The following TBK1 variants were observed in gnomAD, a reference collection of about 807,000 sequenced individuals.
TBK1 encodes the protein serine/threonine-protein kinase TBK1.
Under a neutral mutation model 99.9 loss-of-function variants are expected in TBK1, and 37 were observed. The ratio of observed to expected loss-of-function variants is 0.37; its 90% CI spans 0.28 to 0.49. The LOEUF is 0.49. Among genes scored for constraint, TBK1 ranks in the 20% least tolerant of loss-of-function variants. TBK1 has a pLI of 0.98. For missense variants in TBK1, 644 were observed against 872.5 expected (o/e 0.74, Z 3.30); for synonymous variants, 258 against 279.8 (o/e 0.92, Z 0.78).
In TBK1 at chr12:64,481,977, A is replaced by G. The variant is rs760981700; in HGVS notation, c.948A>G (p.Leu316=). 4.4e-6 allele frequency: 7 copies of G among 1,605,000 alleles called. No individual in the cohort carries two copies. Among genetic ancestry groups the G allele is most frequent in the Non-Finnish European group, 6.0e-6 (7 of 1,175,890 alleles). Residue 316 remains leucine, a synonymous_variant, in exon 8 of 21, where the codon CTA becomes CTG. Coordinates refer to ENST00000331710, the MANE Select transcript of TBK1 (RefSeq NM_013254.4). ...LHRMVIHVFS[L]QQMTAHKIYI... ...GAATGGTAATTCATGTTTTTTCGCT[A>G]CAACAAATGACAGCTCATAAGATTT...
intron 20 of TBK1, 63 bp downstream of exon 20, chr12:64,498,102 T>C (rs760731500): frequency 2.7e-5 from 36 of 1,343,464 alleles, no homozygotes; most frequent in Non-Finnish European, 3.6e-5. Context: ...ACATCTGTAC[T>C]TATATCTTCC....
chr12:64,495,020 G>A (rs1025792599), intron 13 of TBK1, among the ~76,000 whole-genome samples: 1 of 152,196 alleles, frequency 6.6e-6, no homozygotes, highest in Non-Finnish European at 1.5e-5. Context: ...CAGAATCTTA[G>A]ATGAGGTTTC....
At chr12:64,465,304 C>T (rs986635347) in intron 4 of TBK1, among the ~76,000 whole-genome samples, 2 of 139,812 alleles carry the variant, frequency 1.4e-5, no homozygotes, top group African/African-American at 5.3e-5. Flanking sequence ...AACCCTGATA[C>T]ATTGCTGGTA....
chr12:64,491,053 C>G (rs1033248073), intron 13 of TBK1, among the ~76,000 whole-genome samples: 4 of 152,036 alleles, frequency 2.6e-5, no homozygotes, highest in African/African-American at 4.8e-5. Context: ...GGACACAAGT[C>G]TCTACTCTGC....
chr12:64,474,435 G>T (rs376774368), intron 6 of TBK1, 45 bp downstream of exon 6: 432 of 1,557,710 alleles, frequency 2.8e-4, no homozygotes, highest in Non-Finnish European at 3.5e-4. Flanking sequence ...TTTAAAAAAT[G>T]ATTTCTGTCT....
intron 5 of TBK1, 121 bp from the exon 6 acceptor site, chr12:64,474,109 T>C: frequency 3.2e-6 from 3 of 931,310 alleles, no homozygotes. Flanking sequence ...CTTTTCAGAT[T>C]GGGAAAGTGA....
chr12:64,477,997 T>C (rs1177270578), intron 6 of TBK1, among the ~76,000 whole-genome samples: 1 of 152,226 alleles, frequency 6.6e-6, no homozygotes, highest in Admixed American at 6.5e-5. Context: ...CCTTGTTTCA[T>C]GAGAAGGCCA....
Position 64,464,454 on chromosome 12 carries a change from C to T in TBK1, c.349C>T (p.Arg117Ter), listed in dbSNP as rs757203783. The T allele has an allele frequency of 1.9e-6, 3 of 1,579,730 alleles. No individual in the cohort carries two copies. Among genetic ancestry groups the T allele is most frequent in the South Asian group, 1.2e-5 (1 of 85,044 alleles). ...LPESEFLIVL[R>*]DVVGGMNHLR... ...AGAATCTGAATTCTTAATTGTTTTG[C>T]GAGATGTGGGTATGTTTGTTTATTT... Residue 117 changes from arginine (R) to a stop codon, truncating the protein, a stop_gained, in exon 4 of 21, where the codon CGA becomes TGA. Coordinates refer to ENST00000331710, the MANE Select transcript of TBK1 (RefSeq NM_013254.4). LOFTEE classifies it high-confidence loss of function.
chr12:64,495,928 A>T (rs868736807), intron 15 of TBK1, 153 bp downstream of exon 15: 19,618 of 222,762 alleles, frequency 0.088, 30 homozygotes, highest in Non-Finnish European at 0.1. Context: ...GATTGTGTTA[A>T]AAAAAAAAAA....
intron 5 of TBK1, among the ~76,000 whole-genome samples, chr12:64,470,681 G>A (rs1223642465): frequency 1.3e-5 from 2 of 152,136 alleles, no homozygotes; most frequent in Non-Finnish European, 2.9e-5. Flanking sequence ...ATATATAGGA[G>A]GATCATTTTT....
chr12:64,480,131 G>A lies in TBK1; in HGVS notation c.812+9G>A, dbSNP rs748333708. ...TCTTGCAGTCTTTCTCGGTAAGTAT[G>A]GTGTACCTAATTCTCATCTTTTGCA... On this transcript the variant is annotated intron_variant, in intron 7 of 20. Transcript: ENST00000331710. The A allele has an allele frequency of 8.1e-6, 13 of 1,598,180 alleles. No homozygotes were observed. The highest frequency in any genetic ancestry group is 1.3e-5 in the African/African-American group (1 of 74,146).
At chr12:64,467,865 A>T (rs2040622494) in intron 5 of TBK1, among the ~76,000 whole-genome samples, 1 of 152,178 alleles carries the variant, frequency 6.6e-6, no homozygotes, top group East Asian at 1.9e-4. Flanking sequence ...CCTCAAATTG[A>T]TCTGTAGATA....
In TBK1 at chr12:64,495,715, G is replaced by A; in HGVS notation, c.1660G>A (p.Val554Ile). Residue 554 changes from valine (V) to isoleucine (I), a missense_variant, in exon 15 of 21, where the codon GTC becomes ATC. Physicochemically the swap from Val to Ile is conservative, Grantham distance 29 (BLOSUM62 3). Around this residue, in one of 3 missense-constraint regions of TBK1, gnomAD observed 465 missense variants for 588.0 expected, o/e 0.79. Coordinates refer to ENST00000331710, the MANE Select transcript of TBK1 (RefSeq NM_013254.4). Reference sequence around the variant, plus strand: ...CTTAAATAGTGTAGAAAAACTACAAGTCCTGTTAAATTGCATGACAGAGAT... The same window carrying A: ...CTTAAATAGTGTAGAAAAACTACAAATCCTGTTAAATTGCATGACAGAGAT... ...PKDRNVEKLQ[V>I]LLNCMTEIYY... The A allele has an allele frequency of 6.2e-7, 1 of 1,609,556 alleles. No homozygotes were observed. The highest frequency in any genetic ancestry group is 1.7e-4 in the Middle Eastern group (1 of 5,972).
intron 11 of TBK1, among the ~76,000 whole-genome samples, chr12:64,487,975 A>T (rs191623377): frequency 5.4e-4 from 82 of 152,360 alleles, no homozygotes; most frequent in African/African-American, 1.8e-3. Context: ...GTTTATGCTC[A>T]AAGGAAATAC....
chr12:64,475,831 C>T (rs1023891018), intron 6 of TBK1, among the ~76,000 whole-genome samples: 19 of 152,050 alleles, frequency 1.2e-4, no homozygotes, highest in African/African-American at 4.1e-4. Flanking sequence ...AACATACAAG[C>T]GCATGTCTTT....
At chr12:64,475,075 G>A (rs763978453) in intron 6 of TBK1, among the ~76,000 whole-genome samples, 3 of 152,020 alleles carry the variant, frequency 2.0e-5, no homozygotes, top group Non-Finnish European at 4.4e-5. Context: ...CTGTGATTGC[G>A]CCACGGCACT....
At position 64,501,051 on chromosome 12, in the gene TBK1, G is replaced by A. The variant is rs11175418; in HGVS notation, c.2139-279G>A. On this transcript the variant is annotated intron_variant, in intron 20 of 20. Transcript: ENST00000331710. ...TGGGATTACAGGCGTGAGCCACTGCGCCGGCCCCAATTCTATCTTAGCTTA... is the reference window on the plus strand; with the variant it reads ...TGGGATTACAGGCGTGAGCCACTGCACCGGCCCCAATTCTATCTTAGCTTA... 0.013 allele frequency among the ~76,000 whole-genome samples: 1,931 copies of A among 152,104 alleles called. 45 individuals carry two copies. Among genetic ancestry groups the A allele is most frequent in the African/African-American group, 0.043 (1,770 of 41,486 alleles).
At chr12:64,474,473 G>T in intron 6 of TBK1, 83 bp downstream of exon 6, 1 of 1,321,202 alleles carries the variant, frequency 7.6e-7, no homozygotes, top group South Asian at 1.5e-5. Context: ...AGTGGTTTAT[G>T]CTAATAAAAA....
At chr12:64,492,207 T>C (rs2040876594) in intron 13 of TBK1, among the ~76,000 whole-genome samples, 1 of 152,246 alleles carries the variant, frequency 6.6e-6, no homozygotes, top group African/African-American at 2.4e-5. Context: ...AGGGCCAGCA[T>C]CGTTTGAGCA....
Sources: allele counts gnomAD v4.1 joint callset (sites outside exome capture counted in the v4.1 genomes callset), GRCh38; gene constraint gnomAD v4.1.1; regional missense constraint gnomAD v4.1.1; transcripts MANE v1.5; gene names NCBI Gene and HGNC (gene_info 2026-07-23, HGNC 2026-07-21).